The following DNM1 variants were observed in gnomAD, a reference collection of about 807,000 sequenced individuals.
The protein encoded by DNM1 is dynamin 1.
Under a neutral mutation model 104.6 loss-of-function variants are expected in DNM1, and 29 were observed. The ratio of observed to expected loss-of-function variants is 0.28; its 90% CI spans 0.21 to 0.38. DNM1 has a LOEUF of 0.38. Among genes scored for constraint, DNM1 ranks in the 10% least tolerant of loss-of-function variants. DNM1 has a pLI of 1.00. For synonymous variants in DNM1, 445 were observed against 475.8 expected, an observed-to-expected ratio of 0.94 and a Z score of 0.84; for missense variants, 640 against 1,189.4, an observed-to-expected ratio of 0.54 and a Z score of 6.79.
rs1377650055 is a variant in DNM1, at chr9:128,222,557, C to T, written c.1089C>T (p.Asn363=). ...AACTGTCAGGGGGAGCCCGCATTAA[C>T]CGAATCTTCCACGAGCGCTTCCCTT... The part of the protein sequence containing the change: ...TYELSGGARI[N]RIFHERFPFE... Residue 363 remains asparagine, a synonymous_variant, in exon 8 of 22, where the codon AAC becomes AAT. Coordinates refer to ENST00000372923, the MANE Select transcript of DNM1 (RefSeq NM_004408.4). This position sits in a 1 kb window ranked among gnomAD's most constrained non-coding sequence, Gnocchi z 7.8. 3 of 1,614,190 alleles carry T rather than the reference C, an allele frequency of 1.9e-6. No individual in the cohort carries two copies. The highest frequency in any genetic ancestry group is 3.3e-5 in the Admixed American group (2 of 60,020).
At position 128,220,668 on chromosome 9, in the gene DNM1, G is replaced by C. The variant is rs536456652; in HGVS notation, c.849+327G>C. On this transcript the variant is annotated intron_variant, in intron 6 of 21. Transcript: ENST00000372923. The surrounding 1 kb of genome is among the most constrained non-coding windows in gnomAD (Gnocchi z 5.2). ...ATACTCGGCTGAAGACCTTGACAGGGAATCCCAGGGGCTTCCCCAGGACTT... is the reference window on the plus strand; with the variant it reads ...ATACTCGGCTGAAGACCTTGACAGGCAATCCCAGGGGCTTCCCCAGGACTT... Among the ~76,000 whole-genome samples the C allele has an allele frequency of 6.6e-6, 1 of 151,744 alleles. No homozygotes were observed. The highest frequency in any genetic ancestry group is 1.5e-5 in the Non-Finnish European group (1 of 67,898).
chr9:128,242,490 TG>T (rs778472762), intron 15 of DNM1, 145 bp downstream of exon 15: 23 of 573,890 alleles, frequency 4.0e-5, no homozygotes, highest in Non-Finnish European at 6.5e-5. Flanking sequence ...CTGGGTGTGG[TG>T]GCTCACACCT....
At position 128,222,855 on chromosome 9, in the gene DNM1, C is replaced by G; in HGVS notation, c.1191C>G (p.Gly397=). The change falls in exon 9 of 22, where the codon GGC becomes GGG. Residue 397 remains glycine, a synonymous_variant. Coordinates refer to ENST00000372923, the MANE Select transcript of DNM1 (RefSeq NM_004408.4). This position sits in a 1 kb window ranked among gnomAD's most constrained non-coding sequence, Gnocchi z 7.8. ...EISYAIKNIH[G]IRTGLFTPDM... is the part of the protein sequence containing the mutation. ...GCTATGCTATCAAGAATATCCATGG[C>G]ATTAGGCACGTATTGGGGCCTGGGA... The G allele has an allele frequency of 6.2e-7, 1 of 1,614,054 alleles. No homozygotes were observed. Among genetic ancestry groups the G allele is most frequent in the African/African-American group, 1.3e-5 (1 of 75,040 alleles).
chr9:128,236,341 T>A (rs1188301497), intron 11 of DNM1, among the ~76,000 whole-genome samples: 2 of 152,220 alleles, frequency 1.3e-5, no homozygotes, highest in Non-Finnish European at 2.9e-5. Context: ...TCCCATTTCC[T>A]GTTTTCACAC....
chr9:128,205,541 C>T (rs1055074210), intron 1 of DNM1, among the ~76,000 whole-genome samples: 3 of 152,166 alleles, frequency 2.0e-5, no homozygotes, highest in Non-Finnish European at 4.4e-5. Flanking sequence ...TTCCTAATCT[C>T]GACGCTGCAC....
chr9:128,250,791 G>T lies in DNM1; in HGVS notation c.2385G>T (p.Ser795=), dbSNP rs1364821213. 7 of 1,366,138 alleles carry T rather than the reference G, an allele frequency of 5.1e-6. No homozygotes were observed. The highest frequency in any genetic ancestry group is 5.6e-6 in the Non-Finnish European group (6 of 1,069,300). 84.6% of individuals were successfully genotyped at this position (1,366,138 alleles called of 1,614,324 possible). ...CCGTGCCCCCAGCCCGGCCCGGGTC[G>T]CGGGGCCCTGCTCCTGGGCCTCCGC... ...APAVPPARPG[S]RGPAPGPPPA... The change falls in exon 21 of 22, where the codon TCG becomes TCT. Residue 795 remains serine, a synonymous_variant. Transcript: ENST00000372923.
chr9:128,206,519 G>A lies in DNM1; in HGVS notation c.161+2888G>A, dbSNP rs117791390. ...ACTCAGAAGACAACTGGAAAATGTG[G>A]TGAACGTCAGGGAGGGGAGTGGGGC... is the stretch of plus-strand genomic sequence containing the variant. On this transcript the variant is annotated intron_variant, in intron 1 of 21. Transcript: ENST00000372923. Among the ~76,000 whole-genome samples the A allele has an allele frequency of 1.7e-4, 26 of 152,246 alleles. 1 individual carries two copies. In the East Asian group the frequency reaches 4.8e-3, roughly 28 times the overall value.
rs948947709 is a variant in DNM1 at position 128,224,151 on chromosome 9, C to T, written c.1197-100C>T. 1 of 1,476,868 alleles carries T rather than the reference C, an allele frequency of 6.8e-7. No homozygotes were observed. Among genetic ancestry groups the T allele is most frequent in the African/African-American group, 1.4e-5 (1 of 71,550 alleles). 91.5% of individuals were successfully genotyped at this position (1,476,868 alleles called of 1,614,324 possible). A position where few individuals can be genotyped will look rare whatever the true frequency, so the allele number is the denominator to read the frequency against. On this transcript the variant is annotated intron_variant, in intron 9 of 21. Transcript: ENST00000372923. The surrounding 1 kb of genome is among the most constrained non-coding windows in gnomAD (Gnocchi z 4.3). Reference sequence around the variant, plus strand: ...CCAGAGAGGGGTAGTGGAAGGGCCCCTCAGGCAGAGTTCGTGGGCTTGGGG... The same window carrying T: ...CCAGAGAGGGGTAGTGGAAGGGCCCTTCAGGCAGAGTTCGTGGGCTTGGGG...
chr9:128,237,384 C>T lies in DNM1; in HGVS notation c.1423-2061C>T, dbSNP rs757328423. 3.0e-4 allele frequency among the ~76,000 whole-genome samples: 46 copies of T among 151,938 alleles called. 1 individual carries two copies. The highest frequency in any genetic ancestry group is 8.8e-5 in the Non-Finnish European group (6 of 67,976). The stretch of plus-strand genomic sequence containing the variant: ...TCAAGCCATTCTCCTGCCTCAGCCT[C>T]CCAAGTAGCTGGGACCACAGGTGCA... On this transcript the variant is annotated intron_variant, in intron 11 of 21. Transcript: ENST00000372923.
chr9:128,220,735 G>GCA lies in DNM1; in HGVS notation c.849+395_849+396insAC, dbSNP rs1254470128. 1.5e-4 allele frequency among the ~76,000 whole-genome samples: 21 copies of GCA among 140,960 alleles called. No homozygotes were observed. The highest frequency in any genetic ancestry group is 7.5e-4 in the Admixed American group (10 of 13,398). The allele number at this position is 140,960 out of a possible 152,430, so 92.5% of individuals were successfully genotyped here. On this transcript the variant is annotated intron_variant, in intron 6 of 21. Transcript: ENST00000372923. The surrounding 1 kb of genome is among the most constrained non-coding windows in gnomAD (Gnocchi z 5.2). ...GGGCATCCAGAACTGAAGTGCGCGC[G>GCA]CGCGCGCGTGTGTGTGTGTGTGTGT... is the stretch of plus-strand genomic sequence containing the variant.
intron 1 of DNM1, among the ~76,000 whole-genome samples, chr9:128,216,975 C>G (rs1486432357): frequency 6.6e-6 from 1 of 152,216 alleles, no homozygotes; most frequent in Admixed American, 6.5e-5. Context: ...CCTGGAGAGG[C>G]CTTCACCCTT....
At position 128,222,394 on chromosome 9, in the gene DNM1, G is replaced by C. The variant is rs1425320807; in HGVS notation, c.992+55G>C. 1.2e-6 allele frequency: 2 copies of C among 1,609,112 alleles called. No homozygotes were observed. The highest frequency in any genetic ancestry group is 2.7e-5 in the African/African-American group (2 of 74,780). On this transcript the variant is annotated intron_variant, in intron 7 of 21. Coordinates refer to ENST00000372923, the MANE Select transcript of DNM1 (RefSeq NM_004408.4). This position sits in a 1 kb window ranked among gnomAD's most constrained non-coding sequence, Gnocchi z 7.8. ...TCCCCGCCCCCAGCCTCTCAGCGTG[G>C]GGCTCTCCCAGGGTTCCCTTTGCTG...
At chr9:128,230,298 A>T (rs1319162677) in intron 10 of DNM1, among the ~76,000 whole-genome samples, 2 of 151,614 alleles carry the variant, frequency 1.3e-5, no homozygotes, top group African/African-American at 4.8e-5. Context: ...GGGAAAAAAA[A>T]AAAGCAGGTT....
At position 128,247,124 on chromosome 9, in the gene DNM1, G is replaced by C. The variant is rs1005148090; in HGVS notation, c.1782-251G>C. The C allele has an allele frequency of 1.5e-5, 6 of 393,070 alleles. No homozygotes were observed. Among genetic ancestry groups the C allele is most frequent in the Middle Eastern group, 6.9e-4 (1 of 1,458 alleles). The allele number at this position is 393,070 out of a possible 1,614,324, so 24.3% of individuals were successfully genotyped here. On this transcript the variant is annotated intron_variant, in intron 16 of 21. Coordinates refer to ENST00000372923, the MANE Select transcript of DNM1 (RefSeq NM_004408.4). The surrounding 1 kb of genome is among the most constrained non-coding windows in gnomAD (Gnocchi z 5.1). Reference sequence around the variant, plus strand: ...GACTATGGTTGTCCTCTTGTCAAAGGTCCAGTCCCCTTCTAAGCATTTTAC... The same window carrying C: ...GACTATGGTTGTCCTCTTGTCAAAGCTCCAGTCCCCTTCTAAGCATTTTAC...
At chr9:128,239,569 T>TAC (rs1836235055) in intron 12 of DNM1, 54 bp downstream of exon 12, 2 of 107,450 alleles carry the variant, frequency 1.9e-5, no homozygotes, top group Non-Finnish European at 3.1e-5. Flanking sequence ...GAAGGTAACG[T>TAC]GTGTGTGTGT....
Position 128,207,470 on chromosome 9 carries a change from C to T in DNM1, c.161+3839C>T, listed in dbSNP as rs1834037508. 2.6e-5 allele frequency among the ~76,000 whole-genome samples: 4 copies of T among 152,064 alleles called. 1 individual carries two copies. In the South Asian group the frequency reaches 8.3e-4, roughly 32 times the overall value. Reference sequence around the variant, plus strand: ...GGGCCTCCTCGCTGTCCCTCCAGCTCCTCTTTGTCACCCCCGCCCCGCTAC... The same window carrying T: ...GGGCCTCCTCGCTGTCCCTCCAGCTTCTCTTTGTCACCCCCGCCCCGCTAC... On this transcript the variant is annotated intron_variant, in intron 1 of 21. Transcript: ENST00000372923.
At chr9:128,242,481 T>C in intron 15 of DNM1, 136 bp downstream of exon 15, 1 of 580,770 alleles carries the variant, frequency 1.7e-6, no homozygotes, top group Non-Finnish European at 3.1e-6. Flanking sequence ...GTGGGCAGGC[T>C]GGGTGTGGTG....
At chr9:128,226,025 C>T in intron 10 of DNM1, 4 of 1,612,400 alleles carry the variant, frequency 2.5e-6, no homozygotes, top group Non-Finnish European at 2.5e-6. Context: ...CACCTCCTCC[C>T]CGGGTGCAGG....
In DNM1 at chr9:128,220,170, A is replaced by T; in HGVS notation, c.689-11A>T. 10 of 1,614,016 alleles carry T rather than the reference A, an allele frequency of 6.2e-6. No homozygotes were observed. Among genetic ancestry groups the T allele is most frequent in the African/African-American group, 2.7e-5 (2 of 74,986 alleles). ...TGAGGCTGGTTGCCCTGACCTTGAT[A>T]CTGTTCACAGGCTACATTGGAGTGG... is the stretch of plus-strand genomic sequence containing the variant. On this transcript the variant is annotated splice_polypyrimidine_tract_variant and intron_variant, in intron 5 of 21. Coordinates refer to ENST00000372923, the MANE Select transcript of DNM1 (RefSeq NM_004408.4). The surrounding 1 kb of genome is among the most constrained non-coding windows in gnomAD (Gnocchi z 5.2).
Sources: gnomAD v4.1 joint callset for allele counts (sites outside exome capture counted in the v4.1 genomes callset) on GRCh38, gnomAD v4.1.1 for gene constraint, Gnocchi (gnomAD v3.1) non-coding constraint, MANE v1.5 for transcripts, NCBI Gene and HGNC (gene_info 2026-07-23, HGNC 2026-07-21) for gene names.